The following CPS1 variants were observed in gnomAD, a reference collection of about 807,000 sequenced individuals.
The protein encoded by CPS1 is carbamoyl-phosphate synthase [ammonia], mitochondrial.
Under a neutral mutation model 174.6 loss-of-function variants are expected in CPS1, and 109 were observed. The ratio of observed to expected loss-of-function variants is 0.62; its 90% CI spans 0.53 to 0.73. CPS1 has a LOEUF of 0.73. CPS1 is among the 30% of genes least tolerant of loss of function. The pLI, the probability that CPS1 is intolerant of heterozygous loss-of-function variation, is 0.00. For synonymous variants in CPS1, 637 were observed against 632.0 expected (o/e 1.01, Z -0.12); for missense variants, 1,689 against 1,821.9 (o/e 0.93, Z 1.33).
intron 1 of CPS1, among the ~76,000 whole-genome samples, chr2:210,546,308 A>G: frequency 6.6e-6 from 1 of 152,152 alleles, no homozygotes; most frequent in South Asian, 2.1e-4. Context: ...GAGACAGTGA[A>G]GATACTAATT....
chr2:210,525,993 G>A (rs1253266114), intron 1 of CPS1, among the ~76,000 whole-genome samples: 2 of 151,886 alleles, frequency 1.3e-5, no homozygotes, highest in Non-Finnish European at 2.9e-5. Context: ...AGAGTCCACT[G>A]GGGAACTAAT....
intron 32 of CPS1, 27 bp downstream of exon 32, chr2:210,660,682 A>C: frequency 6.3e-7 from 1 of 1,594,210 alleles, no homozygotes; most frequent in African/African-American, 1.3e-5. Flanking sequence ...TTTATTAGTC[A>C]TTTTATGAGT....
At chr2:210,620,444 A>G (rs1253901151) in intron 21 of CPS1, among the ~76,000 whole-genome samples, 6 of 152,006 alleles carry the variant, frequency 3.9e-5, no homozygotes, top group Admixed American at 3.3e-4. Context: ...GACAAGAGGG[A>G]TAGGTGTATT....
At chr2:210,629,319 T>C (rs919745663) in intron 21 of CPS1, among the ~76,000 whole-genome samples, 1 of 152,136 alleles carries the variant, frequency 6.6e-6, no homozygotes, top group Non-Finnish European at 1.5e-5. Flanking sequence ...CATCCTTTTT[T>C]TTTCTTTTTT....
In CPS1 at chr2:210,600,013, T is replaced by C. The variant is rs555910958; in HGVS notation, c.1549+452T>C. ...TTCATACTTCTGCTGAGTCTACTGC[T>C]TTGTTCTCTTTAAAATTCTTCAAAT... On this transcript the variant is annotated intron_variant, in intron 14 of 37. Transcript: ENST00000233072. Among the ~76,000 whole-genome samples the C allele has an allele frequency of 7.1e-3, 1,082 of 152,056 alleles. 8 individuals are homozygous for C. The highest frequency in any genetic ancestry group is 0.011 in the Non-Finnish European group (777 of 67,886).
At chr2:210,604,963 C>T in intron 16 of CPS1, 139 bp from the exon 17 acceptor site, 1 of 849,160 alleles carries the variant, frequency 1.2e-6, no homozygotes, top group Non-Finnish European at 1.9e-6. Context: ...CACATTGTGC[C>T]TTCTGTGCAG....
At chr2:210,520,698 A>G (rs535985490) in intron 1 of CPS1, among the ~76,000 whole-genome samples, 15 of 152,200 alleles carry the variant, frequency 9.9e-5, no homozygotes, top group African/African-American at 3.4e-4. Context: ...ATCATACAGT[A>G]TGGATTATTT....
chr2:210,531,848 T>C (rs1696122314), intron 1 of CPS1, among the ~76,000 whole-genome samples: 1 of 152,162 alleles, frequency 6.6e-6, no homozygotes, highest in Non-Finnish European at 1.5e-5. Flanking sequence ...TACATGGTTT[T>C]CTAGACTGCA....
chr2:210,662,746 C>A (rs969457046), intron 32 of CPS1, among the ~76,000 whole-genome samples: 3 of 152,164 alleles, frequency 2.0e-5, no homozygotes, highest in African/African-American at 7.2e-5. Context: ...GTTTCCAAAG[C>A]CTATCAAAGA....
intron 1 of CPS1, among the ~76,000 whole-genome samples, chr2:210,491,906 C>T (rs76416206): frequency 1.5e-3 from 233 of 152,256 alleles, no homozygotes; most frequent in African/African-American, 5.5e-3. Context: ...CTTAACTTAG[C>T]AGGGAATTCA....
chr2:210,589,863 T>A (rs971969725), intron 7 of CPS1, among the ~76,000 whole-genome samples: 3 of 151,896 alleles, frequency 2.0e-5, no homozygotes, highest in African/African-American at 7.3e-5. Flanking sequence ...TTTCCCAGGC[T>A]AGTCTTGACT....
At chr2:210,523,156 G>A (rs748112048) in intron 1 of CPS1, among the ~76,000 whole-genome samples, 25 of 151,908 alleles carry the variant, frequency 1.6e-4, no homozygotes, top group Non-Finnish European at 3.1e-4. Flanking sequence ...AATAAGCATG[G>A]GCTATGTAAT....
In CPS1 at chr2:210,573,281, T is replaced by TG. The variant is rs1697577444; in HGVS notation, c.127-16dup. ...GTATTATGTATTCTGCTAAGATTCA[T>TG]GCAACTGTTTCTTCAGGCACAGACA... On this transcript the variant is annotated splice_polypyrimidine_tract_variant and intron_variant, in intron 1 of 37. Transcript: ENST00000233072. 8.1e-6 allele frequency: 13 copies of TG among 1,595,688 alleles called. No individual in the cohort carries two copies. In the East Asian group the frequency reaches 2.9e-4, roughly 36 times the overall value.
rs1559092336 is a variant in CPS1, at chr2:210,590,219, T to G, written c.825T>G (p.Ile275Met). The G allele has an allele frequency of 1.2e-6, 2 of 1,612,662 alleles. No individual in the cohort carries two copies. Among genetic ancestry groups the G allele is most frequent in the East Asian group, 4.5e-5 (2 of 44,832 alleles). Reference protein sequence around the residue: ...PGNPALAEPLIQNVRKILESD... With the variant: ...PGNPALAEPLMQNVRKILESD... ...ACCCAGCTCTTGCAGAACCACTAATTCAGAATGTCAGAAAGGTGCAATGAA... is the reference window on the plus strand; with the variant it reads ...ACCCAGCTCTTGCAGAACCACTAATGCAGAATGTCAGAAAGGTGCAATGAA... Residue 275 changes from isoleucine (I) to methionine (M), a missense_variant, in exon 8 of 38, where the codon ATT (isoleucine) becomes ATG (methionine). By Grantham distance (10) the Ile-to-Met change is conservative. Transcript: ENST00000233072.
chr2:210,592,094 A>G (rs903527284), intron 10 of CPS1, 125 bp downstream of exon 10: 2 of 1,094,026 alleles, frequency 1.8e-6, no homozygotes, highest in African/African-American at 1.6e-5. Flanking sequence ...TGCATATCAT[A>G]TGTAATGATC....
At chr2:210,519,040 G>C (rs536794054) in intron 1 of CPS1, among the ~76,000 whole-genome samples, 5 of 152,004 alleles carry the variant, frequency 3.3e-5, no homozygotes, top group Middle Eastern at 6.8e-3. Flanking sequence ...CTTCTGAAAT[G>C]GTCTTACAAA....
At chr2:210,670,871 A>G (rs929748229) in intron 34 of CPS1, among the ~76,000 whole-genome samples, 7 of 152,206 alleles carry the variant, frequency 4.6e-5, no homozygotes, top group Admixed American at 6.5e-5. Flanking sequence ...CATAACATCA[A>G]TCTTATAACT....
chr2:210,508,483 G>A (rs1276278490), intron 1 of CPS1, among the ~76,000 whole-genome samples: 2 of 152,010 alleles, frequency 1.3e-5, no homozygotes, highest in Non-Finnish European at 2.9e-5. Context: ...AGAAGCAAGA[G>A]CAAACACATT....
intron 24 of CPS1, among the ~76,000 whole-genome samples, chr2:210,641,040 G>T (rs1359985523): frequency 6.6e-6 from 1 of 152,132 alleles, no homozygotes; most frequent in East Asian, 1.9e-4. Context: ...TAAACCTTGT[G>T]CCTCCTATAA....
Sources: allele counts gnomAD v4.1 joint callset (sites outside exome capture counted in the v4.1 genomes callset), GRCh38; gene constraint gnomAD v4.1.1; transcripts MANE v1.5; gene names NCBI Gene and HGNC (gene_info 2026-07-23, HGNC 2026-07-21).